Variants in IQGAP1 observed in about 807,000 individuals in gnomAD.
IQGAP1 encodes the protein ras GTPase-activating-like protein IQGAP1.
A neutral mutation model predicts 215.6 loss-of-function variants in IQGAP1; 66 were observed. The ratio of observed to expected loss-of-function variants is 0.31; its 90% CI spans 0.25 to 0.38. The LOEUF is 0.38. Among genes scored for constraint, IQGAP1 ranks in the 10% least tolerant of loss-of-function variants. The pLI, the probability that IQGAP1 is intolerant of heterozygous loss-of-function variation, is 1.00. For missense variants in IQGAP1, 1,712 were observed against 1,997.1 expected, an observed-to-expected ratio of 0.86 and a Z score of 2.72; for synonymous variants, 772 against 728.7, an observed-to-expected ratio of 1.06 and a Z score of -0.96.
chr15:90,441,465 TCA>T, intron 7 of IQGAP1, 39 bp from the exon 8 acceptor site: 1 of 1,531,928 alleles, frequency 6.5e-7, no homozygotes, highest in Non-Finnish European at 9.0e-7. Context: ...CTATATAATC[TCA>T]GTGTTTTTGT....
At position 90,440,610 on chromosome 15, in the gene IQGAP1, C is replaced by A. The variant is rs1381112985; in HGVS notation, c.644C>A (p.Ala215Asp). The A allele has an allele frequency of 1.3e-6, 2 of 1,556,944 alleles. No homozygotes were observed. The highest frequency in any genetic ancestry group is 1.2e-5 in the South Asian group (1 of 84,446). The change falls in exon 7 of 38, where the codon GCC becomes GAC. Residue 215 changes from alanine (A) to aspartate (D), a missense_variant. Physicochemically the swap from Ala to Asp is moderately radical, Grantham distance 126. Coordinates refer to ENST00000268182, the MANE Select transcript of IQGAP1 (RefSeq NM_003870.4). ...GCTAATGAACTGTCAGTGGATGAAG[C>A]CGCATGTAAGAAGAGAGAAATTTTG... ...ILANELSVDE[A>D]ALHAAVIAIN...
chr15:90,425,994 G>A, intron 2 of IQGAP1, 116 bp from the exon 3 acceptor site: 2 of 912,992 alleles, frequency 2.2e-6, no homozygotes, highest in South Asian at 1.9e-5. Context: ...TTGTAAAAGA[G>A]TGCTATTATG....
intron 6 of IQGAP1, among the ~76,000 whole-genome samples, chr15:90,439,752 G>A (rs12442404): frequency 6.6e-6 from 1 of 152,172 alleles, no homozygotes; most frequent in Non-Finnish European, 1.5e-5. Context: ...ATTCCAGCAA[G>A]CATCTGTTGT....
chr15:90,413,162 A>T (rs1250596309), intron 2 of IQGAP1, among the ~76,000 whole-genome samples: 1 of 152,176 alleles, frequency 6.6e-6, no homozygotes, highest in Non-Finnish European at 1.5e-5. Flanking sequence ...GTATTATGTA[A>T]ATCATGGAGT....
Position 90,426,156 on chromosome 15 carries a change from C to A in IQGAP1, c.202C>A (p.Leu68Met). The change falls in exon 3 of 38, where the codon CTG (leucine) becomes ATG (methionine). Residue 68 changes from leucine to methionine, a missense_variant. Physicochemically the swap from Leu to Met is conservative, Grantham distance 15. Transcript: ENST00000268182. ...GGAAGATCTGCCTCCCACCACAGAA[C>A]TGGAGGAGGGGCTTAGGAATGGGGT... ...LGEDLPPTTE[L>M]EEGLRNGVYL... The A allele has an allele frequency of 5.0e-6, 8 of 1,605,220 alleles. No individual in the cohort carries two copies. The highest frequency in any genetic ancestry group is 6.8e-6 in the Non-Finnish European group (8 of 1,176,488).
At chr15:90,416,067 C>T (rs922087662) in intron 2 of IQGAP1, among the ~76,000 whole-genome samples, 2 of 151,926 alleles carry the variant, frequency 1.3e-5, no homozygotes, top group African/African-American at 2.4e-5. Context: ...ATGTGCACAA[C>T]GTGCAGGTTT....
At position 90,425,906 on chromosome 15, in the gene IQGAP1, A is replaced by T. The variant is rs550213988; in HGVS notation, c.156-204A>T. On this transcript the variant is annotated intron_variant, in intron 2 of 37. Transcript: ENST00000268182. ...TGGGGTGGAGAAGAAAGTGGCATTT[A>T]TGCTCAGGAATTTTCCTAAGTTCCC... is the stretch of plus-strand genomic sequence containing the variant. Among the ~76,000 whole-genome samples, 51 of 152,306 alleles carry T rather than the reference A, an allele frequency of 3.3e-4. No individual in the cohort carries two copies. In the East Asian group the frequency reaches 6.7e-3, roughly 20 times the overall value.
At chr15:90,445,240 G>A (rs1965511077) in intron 9 of IQGAP1, among the ~76,000 whole-genome samples, 2 of 151,820 alleles carry the variant, frequency 1.3e-5, no homozygotes, top group South Asian at 2.1e-4. Flanking sequence ...GGCACCTGCA[G>A]TAGCGTTGTT....
At chr15:90,436,307 T>C (rs1046643668) in intron 5 of IQGAP1, among the ~76,000 whole-genome samples, 1 of 152,152 alleles carries the variant, frequency 6.6e-6, no homozygotes, top group African/African-American at 2.4e-5. Context: ...CCCCAGGGCT[T>C]GCTGGGGATA....
At chr15:90,395,452 C>T (rs1278085295) in intron 2 of IQGAP1, among the ~76,000 whole-genome samples, 2 of 152,056 alleles carry the variant, frequency 1.3e-5, no homozygotes, top group African/African-American at 4.8e-5. Context: ...TCCCGAGTAG[C>T]TGGGACTACA....
intron 31 of IQGAP1, 140 bp from the exon 32 acceptor site, chr15:90,486,814 A>G (rs1966133226): frequency 1.3e-6 from 1 of 786,060 alleles, no homozygotes; most frequent in Non-Finnish European, 2.1e-6. Flanking sequence ...ATTTCTCAGT[A>G]AAAGTTGTTC....
intron 35 of IQGAP1, chr15:90,494,400 G>A (rs1403101891): frequency 1.1e-5 from 2 of 176,474 alleles, no homozygotes; most frequent in South Asian, 1.4e-4. Context: ...GCTGGCATAC[G>A]AAGCTCTCCT....
At chr15:90,465,583 C>T (rs1034218908) in intron 15 of IQGAP1, among the ~76,000 whole-genome samples, 7 of 152,188 alleles carry the variant, frequency 4.6e-5, no homozygotes, top group African/African-American at 1.7e-4. Context: ...TGGCTCACTG[C>T]AGCCTAACCT....
In IQGAP1 at chr15:90,501,085, T is replaced by A. The variant is rs541291826; in HGVS notation, c.*977T>A. The A allele has an allele frequency of 7.2e-5, 11 of 152,790 alleles. No homozygotes were observed. Among genetic ancestry groups the A allele is most frequent in the African/African-American group, 2.4e-4 (10 of 41,590 alleles). The allele number at this position is 152,790 out of a possible 1,614,324, so 9.5% of individuals were successfully genotyped here. ...GCCTTAGAATAAGAAAAGCTTTTTT[T>A]AAATTGCTTTATCTGTATATCTGAA... On this transcript the variant is annotated 3_prime_UTR_variant, in exon 38 of 38. Coordinates refer to ENST00000268182, the MANE Select transcript of IQGAP1 (RefSeq NM_003870.4).
intron 2 of IQGAP1, among the ~76,000 whole-genome samples, chr15:90,422,620 A>ATG (rs201615821): frequency 0.011 from 791 of 74,304 alleles, 23 homozygotes; most frequent in African/African-American, 0.041. Flanking sequence ...ATATATATAT[A>ATG]TATATGTATA....
Position 90,443,395 on chromosome 15 carries a change from C to G in IQGAP1, c.830C>G (p.Thr277Arg). Residue 277 changes from threonine (T) to arginine (R), a missense_variant and splice_region_variant, in exon 9 of 38, where the codon ACA becomes AGA. Around this residue, in one of 2 missense-constraint regions of IQGAP1, gnomAD observed 1,021 missense variants for 1,074.2 expected, o/e 0.95. Transcript: ENST00000268182. ...ATTACGCTTTTTACTCATCCTCAGA[C>G]AGAAAACTCAGAGAGAGAAAGAGAT... ...QDKMTNAKNR[T>R]ENSERERDVY... 1.2e-6 allele frequency: 2 copies of G among 1,609,424 alleles called. No individual in the cohort carries two copies. Among genetic ancestry groups the G allele is most frequent in the Non-Finnish European group, 1.7e-6 (2 of 1,176,004 alleles).
At position 90,389,196 on chromosome 15, in the gene IQGAP1, A is replaced by C. The variant is rs573721134; in HGVS notation, c.55+800A>C. ...GAGTAAGATCAGGCCCTGTCTCCAAAGAGCGTTTTAATCAGAGAGTCAGGT... is the reference window on the plus strand; with the variant it reads ...GAGTAAGATCAGGCCCTGTCTCCAACGAGCGTTTTAATCAGAGAGTCAGGT... On this transcript the variant is annotated intron_variant, in intron 1 of 37. Coordinates refer to ENST00000268182, the MANE Select transcript of IQGAP1 (RefSeq NM_003870.4). Among the ~76,000 whole-genome samples the C allele has an allele frequency of 3.3e-5, 5 of 152,322 alleles. No homozygotes were observed. The South Asian group carries it at 1.0e-3, about 32-fold the overall frequency.
At chr15:90,400,161 T>C (rs372936325) in intron 2 of IQGAP1, among the ~76,000 whole-genome samples, 22 of 96,688 alleles carry the variant, frequency 2.3e-4, no homozygotes, top group South Asian at 5.0e-4. Context: ...ATAATGTCTC[T>C]TGTTTGTTTA....
chr15:90,498,159 T>C (rs780966310), intron 37 of IQGAP1, among the ~76,000 whole-genome samples: 10 of 151,542 alleles, frequency 6.6e-5, no homozygotes, highest in Non-Finnish European at 1.5e-4. Context: ...TCTGTAGCCC[T>C]TGCAGACATC....
Sources: gnomAD v4.1 joint callset for allele counts (sites outside exome capture counted in the v4.1 genomes callset) on GRCh38, gnomAD v4.1.1 for gene constraint, gnomAD v4.1.1 regional missense constraint, MANE v1.5 for transcripts, NCBI Gene and HGNC (gene_info 2026-07-23, HGNC 2026-07-21) for gene names.